The following CAMTA1 variants were observed in gnomAD, a reference collection of about 807,000 sequenced individuals.
CAMTA1 encodes the protein calmodulin-binding transcription activator 1.
CAMTA1 carries 27 observed loss-of-function variants against 170.9 expected under a neutral mutation model. The observed-to-expected ratio is 0.16, with a 90% CI of 0.12 to 0.22. The LOEUF (loss-of-function observed/expected upper bound fraction) is 0.22, where lower values mean the gene tolerates loss of function less well. Among genes scored for constraint, CAMTA1 ranks in the 10% least tolerant of loss-of-function variants. The pLI is 1.00. For missense variants in CAMTA1, 1,619 were observed against 2,217.2 expected (o/e 0.73, Z 5.42); for synonymous variants, 833 against 891.5 (o/e 0.93, Z 1.17).
At chr1:6,999,717 T>A (rs1697919434) in intron 3 of CAMTA1, among the ~76,000 whole-genome samples, 3 of 152,156 alleles carry the variant, frequency 2.0e-5, no homozygotes, top group African/African-American at 7.2e-5. Context: ...TGTTTGGTTA[T>A]TTTTCCCTGT....
chr1:7,141,321 C>G lies in CAMTA1; in HGVS notation c.302+49950C>G, dbSNP rs184743602. Among the ~76,000 whole-genome samples the G allele has an allele frequency of 1.3e-3, 197 of 152,302 alleles. 1 individual carries two copies. The highest frequency in any genetic ancestry group is 4.6e-3 in the African/African-American group (191 of 41,554). On this transcript the variant is annotated intron_variant, in intron 4 of 22. Transcript: ENST00000303635. ...CATGTCAGGGTCCTGCTCCTGTCCC[C>G]CAAACACCTTTCTTACTATAGCTTT...
In CAMTA1 at chr1:7,541,702, C is replaced by G. The variant is rs148080675; in HGVS notation, c.510+73801C>G. ...GTTACACGGGCGCGTTCCCCCAAAC[C>G]CCCACTGCAGCCTTTGGTTGTTCTG... is the stretch of plus-strand genomic sequence containing the variant. On this transcript the variant is annotated intron_variant, in intron 6 of 22. Coordinates refer to ENST00000303635, the MANE Select transcript of CAMTA1 (RefSeq NM_015215.4). 4.6e-3 allele frequency among the ~76,000 whole-genome samples: 694 copies of G among 152,320 alleles called. 3 individuals are homozygous for G. Among genetic ancestry groups the G allele is most frequent in the African/African-American group, 0.015 (642 of 41,568 alleles).
intron 5 of CAMTA1, among the ~76,000 whole-genome samples, chr1:7,328,262 T>C (rs1036329788): frequency 9.2e-5 from 14 of 152,148 alleles, no homozygotes; most frequent in Admixed American, 4.6e-4. Context: ...TTTGGGAGGC[T>C]GAGGCAGGCG....
intron 3 of CAMTA1, among the ~76,000 whole-genome samples, chr1:6,968,503 C>G (rs564755109): frequency 2.0e-5 from 3 of 152,284 alleles, no homozygotes; most frequent in African/African-American, 7.2e-5. Flanking sequence ...TGTGTGCCTA[C>G]TGCGTGCCAG....
At chr1:6,902,077 A>AAAAAAAAAAAAAAAAAAAAT (rs1385758257) in intron 3 of CAMTA1, among the ~76,000 whole-genome samples, 1 of 70,940 alleles carries the variant, frequency 1.4e-5, no homozygotes, top group African/African-American at 3.5e-5. Flanking sequence ...ACACACAAAA[A>AAAAAAAAAAAAAAAAAAAAT]AAAAAATAAA....
rs566228151 is a variant in CAMTA1, at chr1:6,907,553, A to C, written c.234+82343A>C. ...TCCAGACCGCCGCTCTATGACCTTC[A>C]GTGAGCCAGGCACCGTTCGGGGCTT... On this transcript the variant is annotated intron_variant, in intron 3 of 22. Coordinates refer to ENST00000303635, the MANE Select transcript of CAMTA1 (RefSeq NM_015215.4). Among the ~76,000 whole-genome samples the C allele has an allele frequency of 1.2e-4, 19 of 152,308 alleles. No homozygotes were observed. The East Asian group carries it at 2.9e-3, about 23-fold the overall frequency.
intron 22 of CAMTA1, among the ~76,000 whole-genome samples, chr1:7,758,662 G>A (rs1010394189): frequency 1.2e-4 from 19 of 152,246 alleles, no homozygotes; most frequent in Admixed American, 2.0e-4. Flanking sequence ...TGGGCCGGGC[G>A]CGGTGGCTTA....
At chr1:7,310,600 T>TTTCTTTTTCTTTC (rs1553129303) in intron 5 of CAMTA1, among the ~76,000 whole-genome samples, 1 of 54,550 alleles carries the variant, frequency 1.8e-5, no homozygotes, top group Non-Finnish European at 3.2e-5. Context: ...TTTTCTTTTC[T>TTTCTTTTTCTTTC]TTTCTTTCTT....
chr1:7,107,653 C>T (rs560344224), intron 4 of CAMTA1, among the ~76,000 whole-genome samples: 15 of 152,288 alleles, frequency 9.8e-5, no homozygotes, highest in East Asian at 5.8e-4. Flanking sequence ...TTTTTGTGCA[C>T]GCTCTGTGGG....
intron 2 of CAMTA1, among the ~76,000 whole-genome samples, chr1:6,823,261 C>A (rs2148485271): frequency 6.6e-6 from 1 of 152,146 alleles, no homozygotes; most frequent in Non-Finnish European, 1.5e-5. Context: ...GTGGAACCTC[C>A]CTCGGGAGGA....
At chr1:7,605,652 C>A (rs1178465385) in intron 6 of CAMTA1, among the ~76,000 whole-genome samples, 2 of 152,212 alleles carry the variant, frequency 1.3e-5, no homozygotes, top group Non-Finnish European at 2.9e-5. Flanking sequence ...GATGCCTCGC[C>A]CTGCTTCAGC....
In CAMTA1 at chr1:7,456,161, G is replaced by T. The variant is rs761547721; in HGVS notation, c.439-11669G>T. Among the ~76,000 whole-genome samples the T allele has an allele frequency of 4.6e-5, 7 of 151,802 alleles. No homozygotes were observed. The highest frequency in any genetic ancestry group is 7.3e-5 in the African/African-American group (3 of 41,316). ...TACCCATAACAGAGGGATGGAGGAAGGGAGGGAGGGAGATGGAAGGGAGGG... is the reference window on the plus strand; with the variant it reads ...TACCCATAACAGAGGGATGGAGGAATGGAGGGAGGGAGATGGAAGGGAGGG... On this transcript the variant is annotated intron_variant, in intron 5 of 22. Coordinates refer to ENST00000303635, the MANE Select transcript of CAMTA1 (RefSeq NM_015215.4). The surrounding 1 kb of genome is among the most constrained non-coding windows in gnomAD (Gnocchi z 4.9).
At chr1:7,758,500 A>G (rs982755281) in intron 22 of CAMTA1, among the ~76,000 whole-genome samples, 10 of 152,204 alleles carry the variant, frequency 6.6e-5, no homozygotes, top group African/African-American at 1.9e-4. Flanking sequence ...ATGATTGCCA[A>G]TAAGATCTTC....
intron 3 of CAMTA1, among the ~76,000 whole-genome samples, chr1:6,844,690 CAAAAAAAAAAAAA>C (rs1180942073): frequency 1.9e-5 from 1 of 52,064 alleles, no homozygotes; most frequent in African/African-American, 8.2e-5. Flanking sequence ...ACCCTGTGTC[CAAAAAAAAAAAAA>C]AAAAAAAAAA....
chr1:7,456,192 A>AAATGGGAGGGAGGGAGGAAG lies in CAMTA1; in HGVS notation c.439-11629_439-11610dup, dbSNP rs1282731715. ...GAGGGAGATGGAAGGGAGGGAGGAA[A>AAATGGGAGGGAGGGAGGAAG]AATGGGAGGGAGGGAGGAAGAATGG... On this transcript the variant is annotated intron_variant, in intron 5 of 22. Transcript: ENST00000303635. The surrounding 1 kb of genome is among the most constrained non-coding windows in gnomAD (Gnocchi z 4.9). Among the ~76,000 whole-genome samples the AAATGGGAGGGAGGGAGGAAG allele has an allele frequency of 1.2e-3, 175 of 146,686 alleles. No individual in the cohort carries two copies. The highest frequency in any genetic ancestry group is 4.1e-3 in the African/African-American group (162 of 39,892).
At chr1:7,569,967 CT>C (rs2095105972) in intron 6 of CAMTA1, among the ~76,000 whole-genome samples, 1 of 152,222 alleles carries the variant, frequency 6.6e-6, no homozygotes, top group Admixed American at 6.5e-5. Flanking sequence ...ACTGCCCTGC[CT>C]AATCCTTTGG....
At chr1:7,373,842 C>T (rs961262082) in intron 5 of CAMTA1, among the ~76,000 whole-genome samples, 4 of 152,146 alleles carry the variant, frequency 2.6e-5, no homozygotes, top group African/African-American at 9.7e-5. Flanking sequence ...TAAAAGGCAG[C>T]ATTTTCAGCA....
At chr1:7,340,806 T>A (rs560638996) in intron 5 of CAMTA1, among the ~76,000 whole-genome samples, 3 of 151,994 alleles carry the variant, frequency 2.0e-5, no homozygotes, top group South Asian at 4.2e-4. Context: ...CTTCAGAGCC[T>A]ACTCTGCACC....
chr1:7,497,255 C>G (rs1204042450), intron 6 of CAMTA1, among the ~76,000 whole-genome samples: 1 of 152,166 alleles, frequency 6.6e-6, no homozygotes, highest in African/African-American at 2.4e-5. Flanking sequence ...TGGTCACAGA[C>G]ACTGCGCTGT....
Sources: allele counts gnomAD v4.1 joint callset (sites outside exome capture counted in the v4.1 genomes callset), GRCh38; gene constraint gnomAD v4.1.1; non-coding constraint Gnocchi (gnomAD v3.1); transcripts MANE v1.5; gene names NCBI Gene and HGNC (gene_info 2026-07-23, HGNC 2026-07-21).